The following MOV10L1 variants were observed in gnomAD, a reference collection of about 807,000 sequenced individuals.
MOV10L1 encodes the protein Mov10 like RNA helicase 1, also known as RNA helicase Mov10l1.
In MOV10L1, 110 loss-of-function variants were observed where a neutral mutation model predicts 143.8. The observed-to-expected ratio is 0.76, with a 90% CI of 0.66 to 0.90. The LOEUF is 0.90. Among genes scored for constraint, MOV10L1 ranks in the 40% least tolerant of loss-of-function variants. MOV10L1 has a pLI of 0.00. For synonymous variants in MOV10L1, 593 were observed against 581.1 expected (o/e 1.02, Z -0.29); for missense variants, 1,406 against 1,526.8 (o/e 0.92, Z 1.32).
intron 8 of MOV10L1, 27 bp downstream of exon 8, chr22:50,115,273 C>G: frequency 6.8e-7 from 1 of 1,467,356 alleles, no homozygotes; most frequent in Non-Finnish European, 9.0e-7. Flanking sequence ...CTGGGGAGAG[C>G]CGCGTTTTTA....
chr22:50,091,690 A>G (rs2062448028), intron 1 of MOV10L1, among the ~76,000 whole-genome samples: 1 of 152,236 alleles, frequency 6.6e-6, no homozygotes, highest in South Asian at 2.1e-4. Context: ...GACCTAGTCC[A>G]GGGTTACACC....
intron 12 of MOV10L1, among the ~76,000 whole-genome samples, chr22:50,127,963 G>A (rs889670482): frequency 3.3e-5 from 5 of 152,084 alleles, no homozygotes; most frequent in African/African-American, 1.2e-4. Flanking sequence ...AGTGGAGATG[G>A]TTTCGCCCCG....
chr22:50,127,344 C>A (rs1220455114), intron 12 of MOV10L1, among the ~76,000 whole-genome samples: 1 of 152,344 alleles, frequency 6.6e-6, no homozygotes, highest in Non-Finnish European at 1.5e-5. Flanking sequence ...CTTCCGTATC[C>A]TTTTTAGCTC....
Position 50,114,626 on chromosome 22 carries a change from G to T in MOV10L1, c.1126+4G>T. The T allele has an allele frequency of 6.2e-7, 1 of 1,613,148 alleles. No homozygotes were observed. Among genetic ancestry groups the T allele is most frequent in the Non-Finnish European group, 8.5e-7 (1 of 1,179,294 alleles). On this transcript the variant is annotated splice_donor_region_variant and intron_variant, in intron 7 of 26. Transcript: ENST00000262794. ...AACAACAGAGGAATCTCTCCAGGTA[G>T]TGGACGTTTCGGCTGTCACTGCGTG...
At chr22:50,112,745 C>G (rs952385726) in intron 5 of MOV10L1, among the ~76,000 whole-genome samples, 1 of 152,248 alleles carries the variant, frequency 6.6e-6, no homozygotes, top group African/African-American at 2.4e-5. Context: ...CACTCAGCCC[C>G]ACAGCCTTCC....
At chr22:50,098,268 A>ATAATTATTAAGATTAACATCTTAATAC (rs1395852603) in intron 2 of MOV10L1, among the ~76,000 whole-genome samples, 1 of 83,826 alleles carries the variant, frequency 1.2e-5, no homozygotes, top group Admixed American at 1.6e-4. Flanking sequence ...CATCTTAATA[A>ATAATTATTAAGATTAACATCTTAATAC]TCACATAATC....
At chr22:50,105,528 T>G (rs1375900757) in intron 3 of MOV10L1, among the ~76,000 whole-genome samples, 1 of 152,256 alleles carries the variant, frequency 6.6e-6, no homozygotes, top group Non-Finnish European at 1.5e-5. Flanking sequence ...CTCCATTGTT[T>G]TTCCATGTTC....
At chr22:50,129,674 G>A (rs1319451999) in intron 13 of MOV10L1, among the ~76,000 whole-genome samples, 2 of 152,196 alleles carry the variant, frequency 1.3e-5, no homozygotes, top group Admixed American at 6.5e-5. Context: ...ATAACAGCCT[G>A]CTGATCGGTG....
In MOV10L1 at chr22:50,161,024, G is replaced by C; in HGVS notation, c.3523G>C (p.Asp1175His). ...TACAAACGGTGTTTACATGGGATGC[G>C]ATTTACCTCCTGCACTGCAGTCTCT... is the stretch of plus-strand genomic sequence containing the variant. ...SITNGVYMGCDLPPALQSLQN... is the reference protein window; with the variant it reads ...SITNGVYMGCHLPPALQSLQN... Residue 1175 changes from aspartate (D) to histidine (H), a missense_variant, in exon 26 of 27, where the codon GAT (aspartate) becomes CAT (histidine). By Grantham distance (81) the Asp-to-His change is moderately conservative. This residue lies in a region of MOV10L1 where 1,233 missense variants were observed against 1,351.4 expected (regional missense o/e 0.91). Transcript: ENST00000262794. 1 of 1,614,122 alleles carries C rather than the reference G, an allele frequency of 6.2e-7. No homozygotes were observed. The highest frequency in any genetic ancestry group is 8.5e-7 in the Non-Finnish European group (1 of 1,180,014).
At chr22:50,111,729 T>G (rs1308603993) in intron 5 of MOV10L1, among the ~76,000 whole-genome samples, 3 of 151,926 alleles carry the variant, frequency 2.0e-5, no homozygotes. Context: ...GGTCTCAATC[T>G]CCTGACCTCA....
At position 50,140,135 on chromosome 22, in the gene MOV10L1, A is replaced by G. The variant is rs570156459; in HGVS notation, c.2071-1946A>G. Reference sequence around the variant, plus strand: ...TTGCATTGTGTTCGTACAATGGAACATGACTCAGCAATACAAGGAGCAAAC... The same window carrying G: ...TTGCATTGTGTTCGTACAATGGAACGTGACTCAGCAATACAAGGAGCAAAC... On this transcript the variant is annotated intron_variant, in intron 15 of 26. Transcript: ENST00000262794. 2.6e-5 allele frequency among the ~76,000 whole-genome samples: 4 copies of G among 152,246 alleles called. No individual in the cohort carries two copies. The South Asian group carries it at 6.2e-4, about 24-fold the overall frequency.
chr22:50,092,240 GT>G (rs2146989517), intron 2 of MOV10L1, 55 bp downstream of exon 2: 2 of 1,512,050 alleles, frequency 1.3e-6, no homozygotes, highest in Non-Finnish European at 9.1e-7. Flanking sequence ...ACTTTGTGTT[GT>G]TTTTCCTTGT....
At chr22:50,116,547 T>C (rs1488446772) in intron 8 of MOV10L1, among the ~76,000 whole-genome samples, 2 of 151,982 alleles carry the variant, frequency 1.3e-5, no homozygotes, top group Admixed American at 6.6e-5. Context: ...ACATTAGATA[T>C]AGTACCTATT....
At position 50,158,024 on chromosome 22, in the gene MOV10L1, A is replaced by G; in HGVS notation, c.3067-33A>G. ...GTAGCCTTCTGGTGAATATTCATGA[A>G]GTAAAGTAGGTTTTCTCTCCTCATC... On this transcript the variant is annotated intron_variant, in intron 22 of 26. Transcript: ENST00000262794. This position sits in a 1 kb window ranked among gnomAD's most constrained non-coding sequence, Gnocchi z 5.0. The G allele has an allele frequency of 6.3e-7, 1 of 1,593,628 alleles. No homozygotes were observed. Among genetic ancestry groups the G allele is most frequent in the Non-Finnish European group, 8.6e-7 (1 of 1,167,750 alleles).
At position 50,160,877 on chromosome 22, in the gene MOV10L1, G is replaced by A. The variant is rs553392922; in HGVS notation, c.3462+52G>A. On this transcript the variant is annotated intron_variant, in intron 25 of 26. Coordinates refer to ENST00000262794, the MANE Select transcript of MOV10L1 (RefSeq NM_018995.3). Reference sequence around the variant, plus strand: ...GTGATCACTTAAGGAGGGAGGGTCCGGGTCACTCGGGGTGAGACGTACGAG... The same window carrying A: ...GTGATCACTTAAGGAGGGAGGGTCCAGGTCACTCGGGGTGAGACGTACGAG... 2.2e-5 allele frequency: 35 copies of A among 1,613,150 alleles called. No individual in the cohort carries two copies. The Middle Eastern group carries it at 5.0e-4, about 23-fold the overall frequency.
intron 22 of MOV10L1, among the ~76,000 whole-genome samples, chr22:50,153,450 G>A (rs778453403): frequency 1.3e-5 from 2 of 152,244 alleles, no homozygotes; most frequent in South Asian, 2.1e-4. Context: ...CCACTCTCAG[G>A]TGGTCACAGC....
rs753884924 is a variant in MOV10L1 at position 50,117,199 on chromosome 22, C to T, written c.1302C>T (p.Ser434=). Residue 434 remains serine, a synonymous_variant, in exon 9 of 27, where the codon TCC becomes TCT. Transcript: ENST00000262794. ...RCKELLLLCF[S]DFLIGRYLEV... Reference sequence around the variant, plus strand: ...AGGAGCTCCTTTTGCTCTGTTTTTCCGATTTCCTAATTGGGCGATACCTTG... The same window carrying T: ...AGGAGCTCCTTTTGCTCTGTTTTTCTGATTTCCTAATTGGGCGATACCTTG... The T allele has an allele frequency of 1.1e-5, 17 of 1,611,072 alleles. No homozygotes were observed. Among genetic ancestry groups the T allele is most frequent in the African/African-American group, 2.7e-5 (2 of 74,710 alleles).
chr22:50,113,916 T>A, intron 6 of MOV10L1, 128 bp downstream of exon 6: 3 of 698,816 alleles, frequency 4.3e-6, no homozygotes, highest in Non-Finnish European at 5.8e-6. Flanking sequence ...TCTTTTCTTT[T>A]TTTTTTTTTT....
At chr22:50,112,438 A>G (rs923649920) in intron 5 of MOV10L1, among the ~76,000 whole-genome samples, 1 of 152,228 alleles carries the variant, frequency 6.6e-6, no homozygotes, top group African/African-American at 2.4e-5. Context: ...CATCAGGCCC[A>G]GGAACCAGGG....
Sources: gnomAD v4.1 joint callset for allele counts (sites outside exome capture counted in the v4.1 genomes callset) on GRCh38, gnomAD v4.1.1 for gene constraint, gnomAD v4.1.1 regional missense constraint, Gnocchi (gnomAD v3.1) non-coding constraint, MANE v1.5 for transcripts, NCBI Gene and HGNC (gene_info 2026-07-23, HGNC 2026-07-21) for gene names.